MALRD1: variants seen among roughly 807,000 people sequenced by gnomAD.
MALRD1 encodes MAM and LDL-receptor class A domain-containing protein 1.
MALRD1 carries 247 observed loss-of-function variants against 242.1 expected under a neutral mutation model. The observed-to-expected ratio is 1.02, with a 90% CI of 0.92 to 1.13. The LOEUF is 1.13. Ranked by LOEUF, MALRD1 falls within the 50% of genes most tolerant of loss-of-function variation. The pLI, the probability that MALRD1 is intolerant of heterozygous loss-of-function variation, is 0.00. For synonymous variants in MALRD1, 995 were observed against 866.6 expected, an observed-to-expected ratio of 1.15 and a Z score of -2.60; for missense variants, 2,989 against 2,533.1, an observed-to-expected ratio of 1.18 and a Z score of -3.86.
chr10:19,270,336 T>A (rs199844814), intron 19 of MALRD1, among the ~76,000 whole-genome samples: 3,538 of 130,854 alleles, frequency 0.027, 103 homozygotes, highest in African/African-American at 0.073. Context: ...TCTCTCTCTC[T>A]CACACACACA....
chr10:19,057,656 G>C (rs1018550855), intron 1 of MALRD1, among the ~76,000 whole-genome samples: 2 of 152,076 alleles, frequency 1.3e-5, no homozygotes, highest in Admixed American at 6.6e-5. Context: ...CTCATGACAA[G>C]ACTATGCTTC....
At chr10:19,351,476 T>G (rs986928176) in intron 25 of MALRD1, among the ~76,000 whole-genome samples, 10 of 152,202 alleles carry the variant, frequency 6.6e-5, no homozygotes, top group African/African-American at 2.4e-4. Flanking sequence ...ATTACTGTTC[T>G]GGGGTTTTGT....
intron 36 of MALRD1, among the ~76,000 whole-genome samples, chr10:19,685,280 A>G (rs1196289094): frequency 6.6e-6 from 1 of 151,934 alleles, no homozygotes; most frequent in Admixed American, 6.6e-5. Context: ...TTATTTTTAC[A>G]TGTATTTTTC....
At chr10:19,712,785 A>C (rs1403204286) in intron 38 of MALRD1, among the ~76,000 whole-genome samples, 4 of 152,222 alleles carry the variant, frequency 2.6e-5, no homozygotes, top group Non-Finnish European at 5.9e-5. Context: ...CGGAGATATC[A>C]CATTCATAAG....
At chr10:19,599,728 C>G (rs1480882734) in intron 34 of MALRD1, among the ~76,000 whole-genome samples, 3 of 152,076 alleles carry the variant, frequency 2.0e-5, no homozygotes, top group Non-Finnish European at 4.4e-5. Context: ...GTTTTATCAC[C>G]TGTAGACCAA....
intron 12 of MALRD1, among the ~76,000 whole-genome samples, chr10:19,157,583 CAG>C (rs1411617527): frequency 6.6e-6 from 1 of 152,060 alleles, no homozygotes; most frequent in Non-Finnish European, 1.5e-5. Flanking sequence ...AATAAGCAAA[CAG>C]AACGAATTCT....
At chr10:19,653,906 G>T (rs1163036676) in intron 36 of MALRD1, among the ~76,000 whole-genome samples, 4 of 152,152 alleles carry the variant, frequency 2.6e-5, no homozygotes, top group Admixed American at 6.5e-5. Context: ...GCTGAGAAAT[G>T]ATTCTACATC....
chr10:19,637,683 G>A (rs1840200336), intron 36 of MALRD1, among the ~76,000 whole-genome samples: 1 of 151,478 alleles, frequency 6.6e-6, no homozygotes, highest in Non-Finnish European at 1.5e-5. Flanking sequence ...GTGGGCACCT[G>A]GGGCTAAGTC....
intron 32 of MALRD1, among the ~76,000 whole-genome samples, chr10:19,539,681 G>C (rs1014509505): frequency 2.0e-5 from 3 of 151,602 alleles, no homozygotes; most frequent in Admixed American, 2.0e-4. Flanking sequence ...CTGCTGCTTT[G>C]TTTTTTTATT....
intron 12 of MALRD1, among the ~76,000 whole-genome samples, chr10:19,157,625 C>T (rs895002758): frequency 2.0e-5 from 3 of 152,108 alleles, no homozygotes; most frequent in African/African-American, 7.2e-5. Context: ...AAAATCTAGC[C>T]AATCCTCCGA....
chr10:19,510,677 C>G (rs1833360944), intron 31 of MALRD1, among the ~76,000 whole-genome samples: 1 of 152,220 alleles, frequency 6.6e-6, no homozygotes, highest in Non-Finnish European at 1.5e-5. Flanking sequence ...AAGAATTTTT[C>G]TTAGTACAGA....
intron 33 of MALRD1, among the ~76,000 whole-genome samples, chr10:19,580,329 C>T (rs190743632): frequency 6.6e-6 from 1 of 152,060 alleles, no homozygotes; most frequent in South Asian, 2.1e-4. Flanking sequence ...AGCGATAACT[C>T]TTTTGGGGCC....
At chr10:19,583,110 A>G (rs1837213243) in intron 33 of MALRD1, among the ~76,000 whole-genome samples, 1 of 103,682 alleles carries the variant, frequency 9.6e-6, no homozygotes, top group Non-Finnish European at 1.9e-5. Context: ...TTATCAGCTT[A>G]AGGAGATTTT....
chr10:19,235,719 G>A (rs1454412250), intron 18 of MALRD1, among the ~76,000 whole-genome samples: 1 of 152,034 alleles, frequency 6.6e-6, no homozygotes, highest in Non-Finnish European at 1.5e-5. Context: ...TAACGTTAAT[G>A]AGATTTACAT....
At chr10:19,645,780 A>G (rs1415368345) in intron 36 of MALRD1, among the ~76,000 whole-genome samples, 2 of 152,194 alleles carry the variant, frequency 1.3e-5, no homozygotes, top group East Asian at 3.9e-4. Flanking sequence ...CTAATGCTAA[A>G]TGACGAGTTA....
chr10:19,498,627 A>G lies in MALRD1; in HGVS notation c.5301A>G (p.Pro1767=), dbSNP rs1313791426. 2 of 1,550,248 alleles carry G rather than the reference A, an allele frequency of 1.3e-6. No homozygotes were observed. Among genetic ancestry groups the G allele is most frequent in the Non-Finnish European group, 1.7e-6 (2 of 1,146,736 alleles). ...GSRIPAKALI[P]DSDHTPGSGQ... ...GAATTCCTGCCAAAGCATTAATTCC[A>G]GACTCTGATCACACGCCAGGTAAAT... The change falls in exon 31 of 40, where the codon CCA becomes CCG. Residue 1767 remains proline (P), a synonymous_variant. Transcript: ENST00000454679.
intron 2 of MALRD1, among the ~76,000 whole-genome samples, chr10:19,084,357 G>C (rs983722119): frequency 6.6e-6 from 1 of 151,706 alleles, no homozygotes; most frequent in Non-Finnish European, 1.5e-5. Flanking sequence ...TATAAGTTTT[G>C]ACATGTTAAC....
In MALRD1 at chr10:19,243,599, A is replaced by G. The variant is rs1588767163; in HGVS notation, c.2992-14085A>G. ...ATGTTGTTACACATAGTTACCAACA[A>G]TCAATGTGAGAATAACCTTTGAATA... On this transcript the variant is annotated intron_variant, in intron 18 of 39. Transcript: ENST00000454679. Among the ~76,000 whole-genome samples the G allele has an allele frequency of 2.0e-5, 3 of 152,234 alleles. 1 individual carries two copies. The East Asian group carries it at 5.8e-4, about 29-fold the overall frequency.
In MALRD1 at chr10:19,297,493, T is replaced by C. The variant is rs546719056; in HGVS notation, c.3419+14312T>C. ...AATAATAAAGTTTGGGGTAAGAGTA[T>C]AGATCATCATGGCTATTTTTAAGAC... On this transcript the variant is annotated intron_variant, in intron 21 of 39. Transcript: ENST00000454679. Among the ~76,000 whole-genome samples the C allele has an allele frequency of 4.6e-5, 7 of 151,992 alleles. No individual in the cohort carries two copies. In the South Asian group the frequency reaches 1.4e-3, roughly 31 times the overall value.
Sources: gnomAD v4.1 joint callset for allele counts (sites outside exome capture counted in the v4.1 genomes callset) on GRCh38, gnomAD v4.1.1 for gene constraint, MANE v1.5 for transcripts, NCBI Gene and HGNC (gene_info 2026-07-23, HGNC 2026-07-21) for gene names.